Variants in PPP1R9A observed in about 807,000 individuals in gnomAD.
The protein encoded by PPP1R9A is neurabin-1.
PPP1R9A carries 59 observed loss-of-function variants against 141.9 expected under a neutral mutation model. That is an observed-to-expected ratio of 0.42 (90% CI 0.34 to 0.52). The LOEUF (loss-of-function observed/expected upper bound fraction) is 0.52. Ranked by LOEUF, PPP1R9A falls within the 20% of genes least tolerant of loss-of-function variation. The probability of loss-of-function intolerance (pLI) is 0.10; values close to 1 mark genes in which losing one functional copy is unlikely to be tolerated. For missense variants in PPP1R9A, 1,444 were observed against 1,611.9 expected (o/e 0.90, Z 1.78); for synonymous variants, 500 against 569.7 (o/e 0.88, Z 1.74).
chr7:95,100,378 T>A (rs1242165532), intron 2 of PPP1R9A, among the ~76,000 whole-genome samples: 1 of 152,174 alleles, frequency 6.6e-6, no homozygotes, highest in African/African-American at 2.4e-5. Context: ...TTGTATATGT[T>A]TGAATATGAA....
intron 9 of PPP1R9A, 135 bp from the exon 10 acceptor site, chr7:95,249,891 C>T: frequency 5.7e-6 from 7 of 1,226,346 alleles, no homozygotes; most frequent in Non-Finnish European, 7.7e-6. Context: ...AAAATAATAC[C>T]TGCTTTTCTC....
At chr7:95,212,163 A>C (rs1010536382) in intron 7 of PPP1R9A, among the ~76,000 whole-genome samples, 5 of 152,122 alleles carry the variant, frequency 3.3e-5, no homozygotes, top group Admixed American at 2.0e-4. Flanking sequence ...GTTTAATAGG[A>C]TCTCCAGGTG....
intron 8 of PPP1R9A, among the ~76,000 whole-genome samples, chr7:95,230,462 TA>T (rs1245698565): frequency 6.6e-6 from 1 of 151,570 alleles, no homozygotes; most frequent in Non-Finnish European, 1.5e-5. Flanking sequence ...ATAGCATAAA[TA>T]AAAAAACAGT....
At chr7:95,284,850 T>G (rs1179739773) in intron 17 of PPP1R9A, among the ~76,000 whole-genome samples, 1 of 152,238 alleles carries the variant, frequency 6.6e-6, no homozygotes. Context: ...ACTGCAAACC[T>G]TATCTAACAT....
chr7:95,201,536 A>C (rs1789566312), intron 6 of PPP1R9A, among the ~76,000 whole-genome samples: 1 of 152,210 alleles, frequency 6.6e-6, no homozygotes, highest in African/African-American at 2.4e-5. Context: ...CTAATGCTGA[A>C]AAAATTATTA....
At chr7:95,242,092 G>A (rs1452784826) in intron 8 of PPP1R9A, among the ~76,000 whole-genome samples, 4 of 152,048 alleles carry the variant, frequency 2.6e-5, no homozygotes, top group Admixed American at 1.3e-4. Flanking sequence ...AAACACTTTC[G>A]TTAATACTGG....
At chr7:95,134,302 ACACTGGGG>A (rs1430268413) in intron 4 of PPP1R9A, among the ~76,000 whole-genome samples, 2 of 151,980 alleles carry the variant, frequency 1.3e-5, no homozygotes, top group Non-Finnish European at 2.9e-5. Flanking sequence ...CGAACATCAC[ACACTGGGG>A]CCTGTTGGTG....
chr7:95,161,123 T>C (rs1201773865), intron 4 of PPP1R9A, among the ~76,000 whole-genome samples: 1 of 152,180 alleles, frequency 6.6e-6, no homozygotes, highest in African/African-American at 2.4e-5. Context: ...CTGAACTAAT[T>C]TATATTCCTC....
chr7:94,956,099 G>A (rs1018045128), intron 2 of PPP1R9A, among the ~76,000 whole-genome samples: 8 of 152,070 alleles, frequency 5.3e-5, no homozygotes, highest in African/African-American at 1.9e-4. Flanking sequence ...TTTCATCAGT[G>A]ATGCTGGTTG....
chr7:95,065,716 G>C (rs1270756768), intron 2 of PPP1R9A, among the ~76,000 whole-genome samples: 1 of 152,054 alleles, frequency 6.6e-6, no homozygotes, highest in African/African-American at 2.4e-5. Flanking sequence ...ACTTTGTCTT[G>C]GGATGTGAAA....
At chr7:95,086,997 A>G (rs2075375082) in intron 2 of PPP1R9A, among the ~76,000 whole-genome samples, 1 of 151,880 alleles carries the variant, frequency 6.6e-6, no homozygotes, top group African/African-American at 2.4e-5. Context: ...AGCCTGAGCA[A>G]CATAGTGAGA....
At chr7:95,005,809 A>G (rs1193681125) in intron 2 of PPP1R9A, among the ~76,000 whole-genome samples, 5 of 152,134 alleles carry the variant, frequency 3.3e-5, no homozygotes, top group African/African-American at 1.2e-4. Context: ...ACCACTTCAC[A>G]ATTTTTGTGA....
intron 4 of PPP1R9A, among the ~76,000 whole-genome samples, chr7:95,150,924 A>G (rs943345816): frequency 2.0e-5 from 3 of 152,256 alleles, no homozygotes; most frequent in Non-Finnish European, 2.9e-5. Context: ...GTTTAATATC[A>G]TGTTATGAGA....
At chr7:95,050,322 G>A (rs1810619004) in intron 2 of PPP1R9A, among the ~76,000 whole-genome samples, 1 of 147,620 alleles carries the variant, frequency 6.8e-6, no homozygotes, top group South Asian at 2.1e-4. Context: ...TGATTGTTTT[G>A]TTATTGTTGG....
chr7:94,970,489 TG>T (rs1429776356), intron 2 of PPP1R9A, among the ~76,000 whole-genome samples: 1 of 152,176 alleles, frequency 6.6e-6, no homozygotes, highest in Admixed American at 6.5e-5. Context: ...TCACTGTCTG[TG>T]GGCTGTACCC....
At chr7:95,039,734 G>GA (rs71528101) in intron 2 of PPP1R9A, among the ~76,000 whole-genome samples, 14,651 of 149,922 alleles carry the variant, frequency 0.098, 789 homozygotes, top group Admixed American at 0.15. Flanking sequence ...AGGAATGAAG[G>GA]AAAAAAAAAT....
intron 8 of PPP1R9A, among the ~76,000 whole-genome samples, chr7:95,238,276 C>T (rs979814147): frequency 6.6e-6 from 1 of 152,118 alleles, no homozygotes; most frequent in Admixed American, 6.6e-5. Flanking sequence ...AGTGTTAATT[C>T]ACTATTATCT....
chr7:95,266,735 G>A (rs1025996526), intron 12 of PPP1R9A, among the ~76,000 whole-genome samples: 1 of 152,048 alleles, frequency 6.6e-6, no homozygotes, highest in Admixed American at 6.6e-5. Context: ...GCTAGATAAG[G>A]CATAAAACGT....
Position 94,910,282 on chromosome 7 carries a change from A to G in PPP1R9A, c.169A>G (p.Arg57Gly). The G allele has an allele frequency of 6.2e-7, 1 of 1,614,048 alleles. No individual in the cohort carries two copies. The highest frequency in any genetic ancestry group is 8.5e-7 in the Non-Finnish European group (1 of 1,179,998). The change falls in exon 2 of 20, where the codon AGG (arginine) becomes GGG (glycine). Residue 57 changes from arginine (R) to glycine (G), a missense_variant. Transcript: ENST00000433360. The surrounding 1 kb of genome is among the most constrained non-coding windows in gnomAD (Gnocchi z 4.5). The stretch of plus-strand genomic sequence containing the variant: ...TGAGGGCTCCCAGCAGAGCAGGGGG[A>G]GGAAATATGGCTCCAATGTCAACAG... ...EGEGSQQSRG[R>G]KYGSNVNRIK...
Sources: allele counts gnomAD v4.1 joint callset (sites outside exome capture counted in the v4.1 genomes callset), GRCh38; gene constraint gnomAD v4.1.1; non-coding constraint Gnocchi (gnomAD v3.1); transcripts MANE v1.5; gene names NCBI Gene and HGNC (gene_info 2026-07-23, HGNC 2026-07-21).